Variants in PRKCA observed in about 807,000 individuals in gnomAD.
PRKCA encodes the protein protein kinase C alpha type.
Under a neutral mutation model 87.0 loss-of-function variants are expected in PRKCA, and 27 were observed. The ratio of observed to expected loss-of-function variants is 0.31; its 90% CI spans 0.23 to 0.43. PRKCA has a LOEUF of 0.43. PRKCA is among the 20% of genes least tolerant of loss of function. The probability of loss-of-function intolerance (pLI) is 1.00; values close to 1 mark genes in which losing one functional copy is unlikely to be tolerated. For synonymous variants in PRKCA, 329 were observed against 311.1 expected, an observed-to-expected ratio of 1.06 and a Z score of -0.61; for missense variants, 518 against 852.3, an observed-to-expected ratio of 0.61 and a Z score of 4.88.
At chr17:66,478,925 G>A (rs1915653554) in intron 2 of PRKCA, among the ~76,000 whole-genome samples, 1 of 152,106 alleles carries the variant, frequency 6.6e-6, no homozygotes, top group Non-Finnish European at 1.5e-5. Flanking sequence ...AAAAACTCTG[G>A]AAGACAACCT....
chr17:66,511,949 G>A (rs1917252548), intron 3 of PRKCA, among the ~76,000 whole-genome samples: 2 of 152,102 alleles, frequency 1.3e-5, no homozygotes, highest in South Asian at 2.1e-4. Context: ...CCAAAGTGCT[G>A]GGATTACAGG....
At chr17:66,529,649 A>G (rs986265038) in intron 3 of PRKCA, among the ~76,000 whole-genome samples, 16 of 152,222 alleles carry the variant, frequency 1.1e-4, no homozygotes, top group Middle Eastern at 6.8e-3. Flanking sequence ...GAAAATTTTC[A>G]TTTGTTTGTA....
intron 2 of PRKCA, among the ~76,000 whole-genome samples, chr17:66,373,262 C>T (rs557362283): frequency 6.6e-6 from 1 of 152,258 alleles, no homozygotes; most frequent in Admixed American, 6.5e-5. Flanking sequence ...TGAGTACTTG[C>T]TATGTGGTGG....
intron 2 of PRKCA, among the ~76,000 whole-genome samples, chr17:66,465,001 G>A (rs1305968233): frequency 6.6e-6 from 1 of 151,916 alleles, no homozygotes; most frequent in Non-Finnish European, 1.5e-5. Flanking sequence ...ACAATTTTGT[G>A]TTTTGGTTTT....
chr17:66,595,545 C>T lies in PRKCA; in HGVS notation c.289-45810C>T, dbSNP rs141564343. ...CGCAATCTCGGCTCACTGCAAGCTC[C>T]GCCTCCCAGGTTCACGCTATTCTCC... On this transcript the variant is annotated intron_variant, in intron 3 of 16. Transcript: ENST00000413366. 3.0e-3 allele frequency among the ~76,000 whole-genome samples: 441 copies of T among 148,154 alleles called. 2 individuals carry two copies. Among genetic ancestry groups the T allele is most frequent in the Non-Finnish European group, 4.9e-3 (332 of 67,410 alleles).
chr17:66,516,173 C>T (rs1966963641), intron 3 of PRKCA, among the ~76,000 whole-genome samples: 1 of 152,124 alleles, frequency 6.6e-6, no homozygotes, highest in Non-Finnish European at 1.5e-5. Context: ...AGGCGGGGCT[C>T]CTCTGTGGGT....
chr17:66,394,328 G>A (rs1406840736), intron 2 of PRKCA, among the ~76,000 whole-genome samples: 1 of 152,218 alleles, frequency 6.6e-6, no homozygotes, highest in Non-Finnish European at 1.5e-5. Flanking sequence ...CCCATGAGGT[G>A]TGCTTGGGCA....
intron 2 of PRKCA, among the ~76,000 whole-genome samples, chr17:66,471,823 G>A (rs901039752): frequency 4.6e-5 from 7 of 152,100 alleles, no homozygotes; most frequent in East Asian, 3.9e-4. Context: ...CAGTGAAGTC[G>A]TATTTGGCTG....
chr17:66,540,682 T>G (rs1967956267), intron 3 of PRKCA, among the ~76,000 whole-genome samples: 1 of 152,194 alleles, frequency 6.6e-6, no homozygotes, highest in Admixed American at 6.5e-5. Flanking sequence ...GAGACGGAAT[T>G]CAGGCTGTAG....
intron 3 of PRKCA, among the ~76,000 whole-genome samples, chr17:66,578,906 G>C (rs569108850): frequency 2.0e-5 from 3 of 152,202 alleles, no homozygotes; most frequent in African/African-American, 7.2e-5. Flanking sequence ...GGCTCCCCGC[G>C]CAGCTCGCCA....
intron 8 of PRKCA, among the ~76,000 whole-genome samples, chr17:66,712,603 C>T (rs968642357): frequency 1.3e-5 from 2 of 152,138 alleles, no homozygotes; most frequent in Non-Finnish European, 2.9e-5. Flanking sequence ...CTGTCCCTGT[C>T]CCCTTCTCCT....
intron 3 of PRKCA, among the ~76,000 whole-genome samples, chr17:66,556,108 A>G (rs1968486914): frequency 6.6e-6 from 1 of 152,024 alleles, no homozygotes; most frequent in Non-Finnish European, 1.5e-5. Context: ...GCTCTTTTTG[A>G]CTGAGCTGCA....
chr17:66,471,299 A>G (rs1212870524), intron 2 of PRKCA, among the ~76,000 whole-genome samples: 2 of 152,236 alleles, frequency 1.3e-5, no homozygotes, highest in Admixed American at 1.3e-4. Flanking sequence ...TTCTCTGGCA[A>G]TGCCATAGAT....
At chr17:66,437,355 C>T (rs1481878609) in intron 2 of PRKCA, among the ~76,000 whole-genome samples, 7 of 152,128 alleles carry the variant, frequency 4.6e-5, no homozygotes, top group African/African-American at 1.4e-4. Flanking sequence ...GTATAAATGT[C>T]GATGCTTCTC....
intron 2 of PRKCA, among the ~76,000 whole-genome samples, chr17:66,329,067 A>C (rs1455080853): frequency 6.6e-6 from 1 of 152,224 alleles, no homozygotes; most frequent in African/African-American, 2.4e-5. Context: ...AGTGGGCAAG[A>C]ATGGATGGGG....
chr17:66,743,450 C>T (rs1205614660), intron 13 of PRKCA, among the ~76,000 whole-genome samples: 1 of 152,246 alleles, frequency 6.6e-6, no homozygotes, highest in African/African-American at 2.4e-5. Flanking sequence ...CTGTTCTAAA[C>T]TGCATGTTGT....
chr17:66,637,644 A>G (rs1971180829), intron 3 of PRKCA, among the ~76,000 whole-genome samples: 1 of 152,172 alleles, frequency 6.6e-6, no homozygotes, highest in South Asian at 2.1e-4. Context: ...ATCATTAATC[A>G]TCTACACATA....
Position 66,302,945 on chromosome 17 carries a change from C to T in PRKCA, c.94C>T (p.His32Tyr). The T allele has an allele frequency of 1.2e-6, 2 of 1,612,742 alleles. No individual in the cohort carries two copies. The highest frequency in any genetic ancestry group is 1.7e-6 in the Non-Finnish European group (2 of 1,179,346). ...AGGGGCGCTGAGGCAGAAGAACGTG[C>T]ACGAGGTGAAGGACCACAAATTCAT... ...RKGALRQKNV[H>Y]EVKDHKFIAR... Residue 32 changes from histidine (H) to tyrosine (Y), a missense_variant, in exon 1 of 17, where the codon CAC becomes TAC. His to Tyr is a moderately conservative substitution (Grantham distance 83). Around this residue, in one of 5 missense-constraint regions of PRKCA, gnomAD observed 25 missense variants for 72.1 expected, o/e 0.35. Coordinates refer to ENST00000413366, the MANE Select transcript of PRKCA (RefSeq NM_002737.3).
intron 2 of PRKCA, among the ~76,000 whole-genome samples, chr17:66,307,695 G>A (rs1031415685): frequency 2.0e-5 from 3 of 152,206 alleles, no homozygotes; most frequent in African/African-American, 7.2e-5. Context: ...AGGCTCTAGG[G>A]GGTTTTGCAT....
Sources: allele counts gnomAD v4.1 joint callset (sites outside exome capture counted in the v4.1 genomes callset), GRCh38; gene constraint gnomAD v4.1.1; regional missense constraint gnomAD v4.1.1; transcripts MANE v1.5; gene names NCBI Gene and HGNC (gene_info 2026-07-23, HGNC 2026-07-21).